CSMD1: variants seen among roughly 807,000 people sequenced by gnomAD.
CSMD1 encodes CUB and Sushi multiple domains 1.
CSMD1 carries 213 observed loss-of-function variants against 417.5 expected under a neutral mutation model. That is an observed-to-expected ratio of 0.51 (90% CI 0.46 to 0.57). The LOEUF is 0.57. Among genes scored for constraint, CSMD1 ranks in the 20% least tolerant of loss-of-function variants. The pLI is 0.00. For missense variants in CSMD1, 6,923 were observed against 4,529.7 expected (o/e 1.53, Z -15.17); for synonymous variants, 2,862 against 1,736.8 (o/e 1.65, Z -16.11).
chr8:4,031,614 A>C (rs2130573698), intron 4 of CSMD1, among the ~76,000 whole-genome samples: 1 of 151,706 alleles, frequency 6.6e-6, no homozygotes, highest in Non-Finnish European at 1.5e-5. Flanking sequence ...TATTGACTTT[A>C]TGTGGTCCAA....
intron 3 of CSMD1, among the ~76,000 whole-genome samples, chr8:4,337,856 C>G (rs558463171): frequency 1.4e-4 from 21 of 152,192 alleles, no homozygotes; most frequent in Admixed American, 9.8e-4. Flanking sequence ...TTCGTAAAGA[C>G]TTTAAGAGTA....
At chr8:3,112,841 C>T (rs534889482) in intron 42 of CSMD1, 3 of 152,208 alleles carry the variant, frequency 2.0e-5, no homozygotes, top group African/African-American at 7.2e-5. Flanking sequence ...ACAAAATTCT[C>T]TCAAAGCAAA....
At chr8:3,482,013 A>T (rs1448405955) in intron 11 of CSMD1, among the ~76,000 whole-genome samples, 3 of 152,236 alleles carry the variant, frequency 2.0e-5, no homozygotes, top group Non-Finnish European at 4.4e-5. Context: ...TGCCCAGAAC[A>T]ACCACTTTGA....
chr8:2,962,781 G>A, intron 60 of CSMD1, 142 bp from the exon 61 acceptor site: 3 of 844,998 alleles, frequency 3.6e-6, no homozygotes, highest in Non-Finnish European at 5.4e-6. Context: ...AGGCACGGTG[G>A]CTCACGCCTG....
chr8:3,925,567 G>A (rs368810506), intron 5 of CSMD1, among the ~76,000 whole-genome samples: 5 of 152,186 alleles, frequency 3.3e-5, no homozygotes, highest in African/African-American at 1.2e-4. Context: ...CCCACGGTGA[G>A]GTAACTGAAT....
intron 1 of CSMD1, among the ~76,000 whole-genome samples, chr8:4,867,202 C>G (rs1276044026): frequency 3.3e-5 from 5 of 151,964 alleles, no homozygotes; most frequent in South Asian, 2.1e-4. Context: ...TGCATCGTTC[C>G]AATCATTTGC....
At chr8:4,165,670 C>T (rs3916005) in intron 3 of CSMD1, among the ~76,000 whole-genome samples, 1 of 152,060 alleles carries the variant, frequency 6.6e-6, no homozygotes, top group Non-Finnish European at 1.5e-5. Flanking sequence ...CCCAAAGTGC[C>T]GGAATTACAG....
chr8:4,024,072 A>G (rs878915666), intron 4 of CSMD1, among the ~76,000 whole-genome samples: 5 of 152,208 alleles, frequency 3.3e-5, no homozygotes, highest in Admixed American at 3.3e-4. Flanking sequence ...AAAATATACT[A>G]GAAAGAGTAG....
chr8:3,926,275 C>T (rs1382394842), intron 5 of CSMD1, among the ~76,000 whole-genome samples: 1 of 152,166 alleles, frequency 6.6e-6, no homozygotes, highest in African/African-American at 2.4e-5. Flanking sequence ...TCCTCTCTAA[C>T]CAATACTCCC....
chr8:3,986,888 G>C (rs960796694), intron 5 of CSMD1, among the ~76,000 whole-genome samples: 1 of 152,030 alleles, frequency 6.6e-6, no homozygotes, highest in African/African-American at 2.4e-5. Flanking sequence ...CCAAGTAGCT[G>C]GGATTGCAGG....
chr8:3,558,759 C>T (rs896955553), intron 10 of CSMD1, among the ~76,000 whole-genome samples: 58 of 147,372 alleles, frequency 3.9e-4, no homozygotes, highest in Admixed American at 9.5e-4. Context: ...ATGAATAGTG[C>T]CTCAATAGTA....
In CSMD1 at chr8:3,183,304, T is replaced by C. The variant is rs539533912; in HGVS notation, c.5621-2090A>G. Among the ~76,000 whole-genome samples the C allele has an allele frequency of 3.6e-3, 511 of 142,190 alleles. 2 individuals carry two copies. Among genetic ancestry groups the C allele is most frequent in the Non-Finnish European group, 4.4e-3 (285 of 64,512 alleles). 93.3% of individuals were successfully genotyped at this position (142,190 alleles called of 152,430 possible). On this transcript the variant is annotated intron_variant, in intron 36 of 69. Coordinates refer to ENST00000635120, the MANE Select transcript of CSMD1 (RefSeq NM_033225.6). ...ATCTATCCCTGAAACATCGAGTAGG[T>C]CTCTAACGCCTAATCTATCTATCCC...
At chr8:3,592,005 G>A (rs979533313) in intron 8 of CSMD1, among the ~76,000 whole-genome samples, 2 of 152,102 alleles carry the variant, frequency 1.3e-5, no homozygotes, top group African/African-American at 4.8e-5. Context: ...CGGATGGATA[G>A]ATGATAGGTA....
intron 3 of CSMD1, among the ~76,000 whole-genome samples, chr8:4,174,510 T>C (rs547124803): frequency 2.6e-5 from 4 of 151,314 alleles, no homozygotes; most frequent in Admixed American, 1.3e-4. Flanking sequence ...TGGGTATATA[T>C]AATAAATGAC....
Position 3,514,084 on chromosome 8 carries a change from A to G in CSMD1, c.1345-20358T>C, listed in dbSNP as rs138318383. Among the ~76,000 whole-genome samples the G allele has an allele frequency of 2.5e-3, 387 of 152,272 alleles. 1 individual carries two copies. Among genetic ancestry groups the G allele is most frequent in the Admixed American group, 7.1e-3 (109 of 15,292 alleles). ...CCTGTGTTCTTTAGTTTTTCAAAGC[A>G]TCACTCAATCCTCTTCTCTTGGCAG... On this transcript the variant is annotated intron_variant, in intron 10 of 69. Coordinates refer to ENST00000635120, the MANE Select transcript of CSMD1 (RefSeq NM_033225.6).
At chr8:4,154,957 A>C (rs988467300) in intron 3 of CSMD1, among the ~76,000 whole-genome samples, 6 of 152,178 alleles carry the variant, frequency 3.9e-5, no homozygotes, top group African/African-American at 1.2e-4. Context: ...TTATATTGAA[A>C]ATTAAGTGGG....
intron 55 of CSMD1, 25 bp downstream of exon 55, chr8:2,978,587 G>C: frequency 6.4e-7 from 1 of 1,554,016 alleles, no homozygotes; most frequent in East Asian, 2.4e-5. Context: ...TCTCTGCACA[G>C]AAATTGGGAA....
intron 1 of CSMD1, among the ~76,000 whole-genome samples, chr8:4,908,268 T>A (rs78630009): frequency 0.01 from 1,553 of 152,326 alleles, 27 homozygotes; most frequent in African/African-American, 0.036. Context: ...TATTCCTTCC[T>A]GAATTCTTTC....
At chr8:4,145,618 G>T (rs138592327) in intron 3 of CSMD1, among the ~76,000 whole-genome samples, 1 of 150,898 alleles carries the variant, frequency 6.6e-6, no homozygotes, top group African/African-American at 2.5e-5. Flanking sequence ...CAAAGTCCTC[G>T]GCTCAAGCGA....
Sources: gnomAD v4.1 joint callset for allele counts (sites outside exome capture counted in the v4.1 genomes callset) on GRCh38, gnomAD v4.1.1 for gene constraint, MANE v1.5 for transcripts, NCBI Gene and HGNC (gene_info 2026-07-23, HGNC 2026-07-21) for gene names.